Variants in SEC24D observed in about 807,000 individuals in gnomAD.
SEC24D encodes the protein protein transport protein Sec24D.
SEC24D carries 69 observed loss-of-function variants against 116.9 expected under a neutral mutation model. That is an observed-to-expected ratio of 0.59 (90% CI 0.49 to 0.72). The LOEUF is 0.72. Among genes scored for constraint, SEC24D ranks in the 30% least tolerant of loss-of-function variants. SEC24D has a pLI of 0.00. For missense variants in SEC24D, 1,131 were observed against 1,264.1 expected (o/e 0.89, Z 1.60); for synonymous variants, 405 against 442.8 (o/e 0.91, Z 1.07).
chr4:118,785,695 G>C (rs1342880800), intron 8 of SEC24D, among the ~76,000 whole-genome samples: 1 of 152,164 alleles, frequency 6.6e-6, no homozygotes, highest in Non-Finnish European at 1.5e-5. Flanking sequence ...TCAAATGACA[G>C]ATACCATGCA....
At position 118,728,628 on chromosome 4, in the gene SEC24D, T is replaced by A. The variant is rs765221391; in HGVS notation, c.2891A>T (p.Asn964Ile). ...TDMTLLPEVG[N>I]PYSQQLRMIM... ...CATTCTGAGTTGTTGAGAGTATGGG[T>A]TTCCCACTTCAGGCAGCAATGTCTT... The change falls in exon 22 of 23, where the codon AAC (asparagine) becomes ATC (isoleucine). Residue 964 changes from asparagine to isoleucine, a missense_variant. Asn to Ile is a moderately radical substitution (Grantham distance 149, BLOSUM62 -3). Coordinates refer to ENST00000280551, the MANE Select transcript of SEC24D (RefSeq NM_014822.4). 1.2e-6 allele frequency: 2 copies of A among 1,609,088 alleles called. No individual in the cohort carries two copies. Among genetic ancestry groups the A allele is most frequent in the Non-Finnish European group, 1.7e-6 (2 of 1,176,478 alleles).
chr4:118,819,178 T>C (rs184107486), intron 3 of SEC24D, among the ~76,000 whole-genome samples: 1 of 152,354 alleles, frequency 6.6e-6, no homozygotes, highest in Non-Finnish European at 1.5e-5. Context: ...TGTAAATCCA[T>C]TGTTTCCTAA....
intron 6 of SEC24D, 150 bp from the exon 7 acceptor site, chr4:118,806,104 C>A: frequency 1.7e-6 from 1 of 579,566 alleles, no homozygotes; most frequent in Non-Finnish European, 3.0e-6. Flanking sequence ...CTCACACACT[C>A]ACACAAACTG....
At chr4:118,765,138 T>C (rs960683456) in intron 9 of SEC24D, among the ~76,000 whole-genome samples, 1 of 152,226 alleles carries the variant, frequency 6.6e-6, no homozygotes, top group African/African-American at 2.4e-5. Context: ...AGAACATTTA[T>C]GATTTAGACC....
At chr4:118,814,775 T>A (rs1315064067) in intron 6 of SEC24D, among the ~76,000 whole-genome samples, 1 of 151,762 alleles carries the variant, frequency 6.6e-6, no homozygotes, top group Non-Finnish European at 1.5e-5. Context: ...ACTGCCAAGT[T>A]TATATGACAC....
At chr4:118,813,857 C>CACTTGGCT (rs1441235111) in intron 6 of SEC24D, among the ~76,000 whole-genome samples, 5 of 152,158 alleles carry the variant, frequency 3.3e-5, no homozygotes, top group Non-Finnish European at 5.9e-5. Context: ...TATCCTAAAC[C>CACTTGGCT]ATCCACACTC....
chr4:118,812,373 C>T (rs1401026155), intron 6 of SEC24D, among the ~76,000 whole-genome samples: 1 of 152,102 alleles, frequency 6.6e-6, no homozygotes. Context: ...AGGCACTCAT[C>T]CTTCCGTGCC....
chr4:118,815,864 T>C (rs1730125977), intron 4 of SEC24D, 138 bp from the exon 5 acceptor site: 1 of 857,428 alleles, frequency 1.2e-6, no homozygotes, highest in African/African-American at 1.7e-5. Flanking sequence ...TTGGGTTTTT[T>C]GCCACAAATT....
At chr4:118,823,462 A>G (rs769004733) in intron 3 of SEC24D, among the ~76,000 whole-genome samples, 9 of 152,180 alleles carry the variant, frequency 5.9e-5, no homozygotes, top group Non-Finnish European at 1.5e-5. Flanking sequence ...GAGGATCTAC[A>G]GTCACATCTA....
intron 3 of SEC24D, among the ~76,000 whole-genome samples, chr4:118,818,181 T>C (rs1730234695): frequency 6.6e-6 from 1 of 152,246 alleles, no homozygotes; most frequent in South Asian, 2.1e-4. Context: ...ATCTGCCAAA[T>C]GCGATTAAAG....
At chr4:118,778,210 G>A (rs1728237875) in intron 8 of SEC24D, among the ~76,000 whole-genome samples, 1 of 152,210 alleles carries the variant, frequency 6.6e-6, no homozygotes, top group South Asian at 2.1e-4. Context: ...GTATTGCCTA[G>A]GTTTTCTTCT....
intron 17 of SEC24D, among the ~76,000 whole-genome samples, chr4:118,740,172 C>T (rs1164155144): frequency 6.6e-6 from 1 of 152,128 alleles, no homozygotes; most frequent in Non-Finnish European, 1.5e-5. Context: ...GAGAAGAAAA[C>T]CATCTACAAA....
At chr4:118,743,879 T>C in intron 15 of SEC24D, 109 bp downstream of exon 15, 1 of 973,932 alleles carries the variant, frequency 1.0e-6, no homozygotes, top group South Asian at 2.1e-5. Context: ...CTCTTGAATT[T>C]ATATGTGTCA....
intron 10 of SEC24D, among the ~76,000 whole-genome samples, chr4:118,758,168 C>G (rs1337397003): frequency 6.6e-6 from 1 of 152,136 alleles, no homozygotes; most frequent in Non-Finnish European, 1.5e-5. Flanking sequence ...GAATCATGGC[C>G]AGACTTGCTT....
chr4:118,749,994 G>C, intron 13 of SEC24D, among the ~76,000 whole-genome samples: 1 of 152,158 alleles, frequency 6.6e-6, no homozygotes, highest in East Asian at 1.9e-4. Context: ...AAGTTATCCT[G>C]AGTTGTTATA....
chr4:118,732,640 G>C (rs1383265664), intron 20 of SEC24D, 93 bp downstream of exon 20: 3 of 1,237,842 alleles, frequency 2.4e-6, no homozygotes, highest in Non-Finnish European at 2.3e-6. Context: ...TTCCTCTTAA[G>C]AACAACATAT....
chr4:118,744,487 T>C (rs1161685842), intron 14 of SEC24D, among the ~76,000 whole-genome samples: 1 of 152,222 alleles, frequency 6.6e-6, no homozygotes, highest in Non-Finnish European at 1.5e-5. Flanking sequence ...GTGTAACCAC[T>C]AGTTGGGTCC....
chr4:118,728,051 CA>C (rs911342712), intron 22 of SEC24D, among the ~76,000 whole-genome samples: 3 of 151,880 alleles, frequency 2.0e-5, no homozygotes. Flanking sequence ...GGAAGGAAAA[CA>C]AGTAAGTATC....
chr4:118,791,831 T>C (rs1033009457), intron 8 of SEC24D, among the ~76,000 whole-genome samples: 2 of 152,234 alleles, frequency 1.3e-5, no homozygotes, highest in South Asian at 4.1e-4. Flanking sequence ...CAGCGCTCAA[T>C]GTTGCCCAGG....
Sources: allele counts gnomAD v4.1 joint callset (sites outside exome capture counted in the v4.1 genomes callset), GRCh38; gene constraint gnomAD v4.1.1; transcripts MANE v1.5; gene names NCBI Gene and HGNC (gene_info 2026-07-23, HGNC 2026-07-21).